The following NDUFAF2 variants were observed in gnomAD, a reference collection of about 807,000 sequenced individuals.
NDUFAF2 encodes the protein NADH dehydrogenase [ubiquinone] 1 alpha subcomplex assembly factor 2.
A neutral mutation model predicts 22.8 loss-of-function variants in NDUFAF2; 13 were observed. The observed-to-expected ratio is 0.57, with a 90% confidence interval of 0.37 to 0.91. The LOEUF is 0.91. Among genes scored for constraint, NDUFAF2 ranks in the 40% least tolerant of loss-of-function variants. The probability of loss-of-function intolerance (pLI) is 0.01; values close to 1 mark genes in which losing one functional copy is unlikely to be tolerated. For synonymous variants in NDUFAF2, 53 were observed against 64.2 expected (o/e 0.83, Z 0.84); for missense variants, 162 against 195.2 (o/e 0.83, Z 1.01).
intron 3 of NDUFAF2, among the ~76,000 whole-genome samples, chr5:61,111,865 G>A (rs1268577838): frequency 3.9e-5 from 6 of 151,918 alleles, no homozygotes; most frequent in Non-Finnish European, 5.9e-5. Context: ...TGATCCGCCC[G>A]CCTCGGCCTC....
At chr5:61,139,443 T>C (rs932159096) in intron 3 of NDUFAF2, among the ~76,000 whole-genome samples, 8 of 152,236 alleles carry the variant, frequency 5.3e-5, no homozygotes, top group Non-Finnish European at 1.5e-5. Context: ...GGACCGTCTG[T>C]ATAGTAAAAA....
At chr5:61,028,994 G>A (rs1043086132) in intron 1 of NDUFAF2, among the ~76,000 whole-genome samples, 4 of 151,944 alleles carry the variant, frequency 2.6e-5, no homozygotes, top group African/African-American at 4.8e-5. Context: ...GCCGTCTTAT[G>A]GAACTCTGTG....
intron 1 of NDUFAF2, among the ~76,000 whole-genome samples, chr5:61,040,282 ACACACGCGCG>A (rs1232677876): frequency 0.028 from 2,372 of 83,986 alleles, 70 homozygotes; most frequent in African/African-American, 0.1. Context: ...ACACACACAC[ACACACGCGCG>A]CGCGCGCGCG....
intron 3 of NDUFAF2, among the ~76,000 whole-genome samples, chr5:61,144,967 G>T (rs967222046): frequency 1.3e-5 from 2 of 152,064 alleles, no homozygotes; most frequent in African/African-American, 4.8e-5. Context: ...TGCCTTTATG[G>T]AAAGTTAATG....
At chr5:61,142,845 A>C (rs1741079228) in intron 3 of NDUFAF2, among the ~76,000 whole-genome samples, 1 of 152,190 alleles carries the variant, frequency 6.6e-6, no homozygotes, top group Non-Finnish European at 1.5e-5. Context: ...TCTTGGGCCT[A>C]AATACAGAAT....
chr5:60,945,694 A>G (rs4647031), intron 1 of NDUFAF2, among the ~76,000 whole-genome samples: 51 of 152,326 alleles, frequency 3.3e-4, no homozygotes, highest in African/African-American at 1.2e-3. Flanking sequence ...CCACGCCTGT[A>G]GAGGAGCCTC....
chr5:60,986,107 T>C (rs554531164), intron 1 of NDUFAF2, among the ~76,000 whole-genome samples: 1 of 152,196 alleles, frequency 6.6e-6, no homozygotes, highest in African/African-American at 2.4e-5. Flanking sequence ...AAACTAAAAA[T>C]AGGGCTACCA....
intron 3 of NDUFAF2, among the ~76,000 whole-genome samples, chr5:61,122,075 C>T (rs371223263): frequency 4.7e-4 from 72 of 152,184 alleles, no homozygotes; most frequent in African/African-American, 1.7e-3. Flanking sequence ...AGCAATCTAC[C>T]CACCTTGGCC....
chr5:61,139,852 C>T (rs931289569), intron 3 of NDUFAF2, among the ~76,000 whole-genome samples: 1 of 152,198 alleles, frequency 6.6e-6, no homozygotes, highest in Non-Finnish European at 1.5e-5. Flanking sequence ...TCCAATACTC[C>T]CTACAGCCTG....
At chr5:61,116,627 TC>T (rs1349823649) in intron 3 of NDUFAF2, 29 of 152,170 alleles carry the variant, frequency 1.9e-4, no homozygotes, top group Non-Finnish European at 4.0e-4. Context: ...AGTCTAGAAT[TC>T]TATACCTAGT....
intron 1 of NDUFAF2, among the ~76,000 whole-genome samples, chr5:60,994,556 G>A (rs1361290554): frequency 6.6e-6 from 1 of 152,198 alleles, no homozygotes; most frequent in Non-Finnish European, 1.5e-5. Flanking sequence ...CCAGATGGCC[G>A]CTGCTACCAT....
At chr5:61,056,916 AAAAATATATATAT>A (rs1554081599) in intron 1 of NDUFAF2, among the ~76,000 whole-genome samples, 1 of 23,874 alleles carries the variant, frequency 4.2e-5, no homozygotes, top group Non-Finnish European at 7.2e-5. Flanking sequence ...AAAAAAAAAA[AAAAATATATATAT>A]ATATATATAT....
intron 1 of NDUFAF2, among the ~76,000 whole-genome samples, chr5:60,982,600 C>T (rs2112579563): frequency 7.3e-6 from 1 of 136,604 alleles, no homozygotes; most frequent in East Asian, 2.3e-4. Context: ...CTTCCTGTGT[C>T]CATGTGTTCT....
At chr5:61,088,496 A>G (rs1256021241) in intron 2 of NDUFAF2, among the ~76,000 whole-genome samples, 1 of 152,094 alleles carries the variant, frequency 6.6e-6, no homozygotes, top group East Asian at 1.9e-4. Flanking sequence ...TAGGTGATGG[A>G]AATGTTCTGT....
intron 1 of NDUFAF2, among the ~76,000 whole-genome samples, chr5:61,022,632 G>T (rs759654140): frequency 9.9e-5 from 15 of 152,006 alleles, no homozygotes; most frequent in Non-Finnish European, 1.3e-4. Context: ...TTTGTTGTTG[G>T]TGGTGGTGAT....
At chr5:61,067,502 T>G (rs1752245709) in intron 1 of NDUFAF2, among the ~76,000 whole-genome samples, 2 of 152,178 alleles carry the variant, frequency 1.3e-5, no homozygotes, top group South Asian at 4.1e-4. Context: ...TCATTTTTTA[T>G]GGCTGCATAG....
At chr5:60,993,159 A>T (rs1193139290) in intron 1 of NDUFAF2, among the ~76,000 whole-genome samples, 1 of 152,248 alleles carries the variant, frequency 6.6e-6, no homozygotes, top group Non-Finnish European at 1.5e-5. Context: ...CAGGGCGGGC[A>T]GCTCCAGGTG....
intron 1 of NDUFAF2, among the ~76,000 whole-genome samples, chr5:61,057,754 A>G (rs1458248765): frequency 1.3e-5 from 2 of 152,122 alleles, no homozygotes; most frequent in Non-Finnish European, 2.9e-5. Flanking sequence ...ACTAAACCCA[A>G]TTTTTGAGCT....
intron 1 of NDUFAF2, among the ~76,000 whole-genome samples, chr5:60,968,566 T>TA (rs1424092219): frequency 6.6e-6 from 1 of 151,938 alleles, no homozygotes. Context: ...TATTTAAAAA[T>TA]ATTTTTAGTT....
Sources: gnomAD v4.1 joint callset for allele counts (sites outside exome capture counted in the v4.1 genomes callset) on GRCh38, gnomAD v4.1.1 for gene constraint, MANE v1.5 for transcripts, NCBI Gene and HGNC (gene_info 2026-07-23, HGNC 2026-07-21) for gene names.